CDH8: variants seen among roughly 807,000 people sequenced by gnomAD.
CDH8 encodes the protein cadherin 8, also known as cadherin-8.
Under a neutral mutation model 68.1 loss-of-function variants are expected in CDH8, and 17 were observed. That is an observed-to-expected ratio of 0.25 (90% CI 0.17 to 0.37). CDH8 has a LOEUF of 0.37. Among genes scored for constraint, CDH8 ranks in the 10% least tolerant of loss-of-function variants. The probability of loss-of-function intolerance (pLI) is 1.00; values close to 1 mark genes in which losing one functional copy is unlikely to be tolerated. For missense variants in CDH8, 763 were observed against 999.3 expected (o/e 0.76, Z 3.19); for synonymous variants, 372 against 365.1 (o/e 1.02, Z -0.21).
intron 10 of CDH8, among the ~76,000 whole-genome samples, chr16:61,705,279 A>G (rs1964506175): frequency 6.6e-6 from 1 of 152,196 alleles, no homozygotes. Context: ...AACACTGTAC[A>G]CTGAAAGTGA....
chr16:61,961,609 G>T (rs1295875983), intron 2 of CDH8, among the ~76,000 whole-genome samples: 1 of 152,082 alleles, frequency 6.6e-6, no homozygotes, highest in Non-Finnish European at 1.5e-5. Context: ...AGAATCTTCT[G>T]TTTACTACTC....
intron 4 of CDH8, among the ~76,000 whole-genome samples, chr16:61,826,978 AC>A (rs1451247826): frequency 6.6e-6 from 1 of 151,920 alleles, no homozygotes; most frequent in Non-Finnish European, 1.5e-5. Context: ...TATAGGTCAT[AC>A]CTATATAGTT....
At chr16:61,670,296 G>T (rs2142776675) in intron 10 of CDH8, among the ~76,000 whole-genome samples, 1 of 152,176 alleles carries the variant, frequency 6.6e-6, no homozygotes, top group Non-Finnish European at 1.5e-5. Context: ...ATTCAGAGAT[G>T]TAATGGAGAT....
chr16:61,791,242 A>C (rs1396969878), intron 7 of CDH8, among the ~76,000 whole-genome samples: 2 of 151,984 alleles, frequency 1.3e-5, no homozygotes, highest in African/African-American at 4.8e-5. Context: ...AGAGAATTTA[A>C]GAACTGAGAG....
intron 1 of CDH8, among the ~76,000 whole-genome samples, chr16:62,030,247 A>G (rs1902292930): frequency 6.6e-6 from 1 of 152,230 alleles, no homozygotes; most frequent in Admixed American, 6.5e-5. Context: ...TATGAAAATT[A>G]AGGGAGTTGC....
intron 2 of CDH8, among the ~76,000 whole-genome samples, chr16:61,982,613 A>C (rs1965557281): frequency 6.6e-6 from 1 of 152,224 alleles, no homozygotes; most frequent in African/African-American, 2.4e-5. Flanking sequence ...TAAAGATAAC[A>C]ATGTGTTAAC....
rs76453068 is a variant in CDH8 at position 61,750,616 on chromosome 16, C to T, written c.1415-23401G>A. Among the ~76,000 whole-genome samples the T allele has an allele frequency of 5.1e-3, 779 of 152,162 alleles. 2 individuals carry two copies. Among genetic ancestry groups the T allele is most frequent in the Non-Finnish European group, 7.5e-3 (511 of 67,954 alleles). ...AGCAGGTTGACTCTAGTTTATTATA[C>T]ATTTTTTCAAGTTTTCCTCCAACTA... On this transcript the variant is annotated intron_variant, in intron 8 of 11. Coordinates refer to ENST00000577390, the MANE Select transcript of CDH8 (RefSeq NM_001796.5).
intron 10 of CDH8, among the ~76,000 whole-genome samples, chr16:61,698,436 G>A (rs1410383573): frequency 6.6e-6 from 1 of 152,100 alleles, no homozygotes; most frequent in African/African-American, 2.4e-5. Flanking sequence ...TGTATTAGAA[G>A]CATAATAAAG....
Position 61,960,330 on chromosome 16 carries a change from T to C in CDH8, c.253-58857A>G, listed in dbSNP as rs536785951. On this transcript the variant is annotated intron_variant, in intron 2 of 11. Coordinates refer to ENST00000577390, the MANE Select transcript of CDH8 (RefSeq NM_001796.5). Reference sequence around the variant, plus strand: ...ATACACACATATATACGTGTGTGTGTATACACACATATATACATGTGTGTG... The same window carrying C: ...ATACACACATATATACGTGTGTGTGCATACACACATATATACATGTGTGTG... Among the ~76,000 whole-genome samples the C allele has an allele frequency of 2.7e-4, 22 of 80,620 alleles. 7 individuals are homozygous for C. Among genetic ancestry groups the C allele is most frequent in the African/African-American group, 1.7e-3 (22 of 13,300 alleles). The allele number at this position is 80,620 out of a possible 152,430, so 52.9% of individuals were successfully genotyped here.
At position 61,715,131 on chromosome 16, in the gene CDH8, T is replaced by C. The variant is rs139381632; in HGVS notation, c.1537-1173A>G. Among the ~76,000 whole-genome samples the C allele has an allele frequency of 2.4e-4, 36 of 151,768 alleles. 1 individual carries two copies. The East Asian group carries it at 6.8e-3, about 29-fold the overall frequency. Reference sequence around the variant, plus strand: ...AATACTTTTTTTTAATTTCTAGGTCTCCCTTTTTAAAATGGAACATAATCT... The same window carrying C: ...AATACTTTTTTTTAATTTCTAGGTCCCCCTTTTTAAAATGGAACATAATCT... On this transcript the variant is annotated intron_variant, in intron 9 of 11. Coordinates refer to ENST00000577390, the MANE Select transcript of CDH8 (RefSeq NM_001796.5).
At chr16:61,808,550 A>G (rs1479286436) in intron 7 of CDH8, among the ~76,000 whole-genome samples, 1 of 152,216 alleles carries the variant, frequency 6.6e-6, no homozygotes, top group African/African-American at 2.4e-5. Flanking sequence ...CCCCATGAGT[A>G]CTAAGATTCC....
chr16:61,650,873 AATGCTG>A lies in CDH8; in HGVS notation c.*2729_*2734del, dbSNP rs2142730557. ...ACCTGAAATAGGCTTTTAAACACAA[AATGCTG>A]ACACTGTGGTGGCAAAGAAAGTCAG... On this transcript the variant is annotated 3_prime_UTR_variant, in exon 12 of 12. Transcript: ENST00000577390. The A allele has an allele frequency of 6.6e-6, 1 of 152,182 alleles. No individual in the cohort carries two copies. Among genetic ancestry groups the A allele is most frequent in the South Asian group, 2.1e-4 (1 of 4,832 alleles). 9.4% of individuals were successfully genotyped at this position (152,182 alleles called of 1,614,324 possible). A position where few individuals can be genotyped will look rare whatever the true frequency, so the allele number is the denominator to read the frequency against.
chr16:61,808,934 C>T (rs533220727), intron 7 of CDH8, among the ~76,000 whole-genome samples: 1 of 152,256 alleles, frequency 6.6e-6, no homozygotes, highest in Admixed American at 6.5e-5. Context: ...GCCTGTAATC[C>T]TAACACTTTG....
intron 3 of CDH8, among the ~76,000 whole-genome samples, chr16:61,897,577 A>G (rs1266607266): frequency 1.3e-5 from 2 of 152,220 alleles, no homozygotes; most frequent in Admixed American, 6.5e-5. Flanking sequence ...CATACACAGA[A>G]ATGAGAGCCT....
chr16:61,874,225 A>T (rs560933646), intron 3 of CDH8, among the ~76,000 whole-genome samples: 1 of 152,216 alleles, frequency 6.6e-6, no homozygotes, highest in South Asian at 2.1e-4. Context: ...AAACATTTTT[A>T]AAAAAGAGTC....
At chr16:61,725,515 G>A (rs1301519194) in intron 9 of CDH8, 1 of 150,850 alleles carries the variant, frequency 6.6e-6, no homozygotes, top group Non-Finnish European at 1.5e-5. Flanking sequence ...TAGCTTACCA[G>A]TCTGTGATTT....
intron 2 of CDH8, among the ~76,000 whole-genome samples, chr16:61,947,883 A>T (rs1414860226): frequency 6.6e-6 from 1 of 152,206 alleles, no homozygotes; most frequent in Non-Finnish European, 1.5e-5. Flanking sequence ...ACCCAAGGGC[A>T]TGCTCAGCTG....
intron 10 of CDH8, chr16:61,711,463 A>G (rs1447388336): frequency 2.0e-5 from 3 of 151,856 alleles, no homozygotes; most frequent in African/African-American, 7.2e-5. Flanking sequence ...GTAGAGAAGC[A>G]TCAGATACTG....
chr16:61,714,602 G>A (rs1253168726), intron 9 of CDH8, among the ~76,000 whole-genome samples: 1 of 151,610 alleles, frequency 6.6e-6, no homozygotes, highest in Non-Finnish European at 1.5e-5. Flanking sequence ...TGGATAGATA[G>A]AGGTACTTGG....
Sources: allele counts gnomAD v4.1 joint callset (sites outside exome capture counted in the v4.1 genomes callset), GRCh38; gene constraint gnomAD v4.1.1; transcripts MANE v1.5; gene names NCBI Gene and HGNC (gene_info 2026-07-23, HGNC 2026-07-21).